NOD2: variants seen among roughly 807,000 people sequenced by gnomAD.
NOD2 encodes nucleotide binding oligomerization domain containing 2, also known as nucleotide-binding oligomerization domain-containing protein 2.
Under a neutral mutation model 90.9 loss-of-function variants are expected in NOD2, and 86 were observed. That is an observed-to-expected ratio of 0.95 (90% CI 0.79 to 1.13). The LOEUF (loss-of-function observed/expected upper bound fraction) is 1.13. Among genes scored for constraint, NOD2 ranks in the 50% most tolerant of loss-of-function variants. The pLI, the probability that NOD2 is intolerant of heterozygous loss-of-function variation, is 0.00. For missense variants in NOD2, 1,238 were observed against 1,283.8 expected, an observed-to-expected ratio of 0.96 and a Z score of 0.55; for synonymous variants, 581 against 554.6, an observed-to-expected ratio of 1.05 and a Z score of -0.67.
chr16:50,707,938 C>T lies in NOD2; in HGVS notation c.543C>T (p.Val181=), dbSNP rs768259661. ...FLLQHVQELP[V]PLALPLEAAT... is the part of the protein sequence containing the mutation. ...TACAACATGTTCAGGAATTACCAGTCCCATTGGCCCTGCCTTTGGAAGGTA... is the reference window on the plus strand; with the variant it reads ...TACAACATGTTCAGGAATTACCAGTTCCATTGGCCCTGCCTTTGGAAGGTA... Residue 181 remains valine, a synonymous_variant, in exon 3 of 12, where the codon GTC becomes GTT. Coordinates refer to ENST00000647318, the MANE Select transcript of NOD2 (RefSeq NM_001370466.1). 8 of 1,612,970 alleles carry T rather than the reference C, an allele frequency of 5.0e-6. No homozygotes were observed. In the Admixed American group the frequency reaches 1.2e-4, roughly 24 times the overall value.
chr16:50,727,733 A>G (rs1304073317), intron 10 of NOD2: 6 of 351,826 alleles, frequency 1.7e-5, no homozygotes, highest in Non-Finnish European at 3.4e-5. Context: ...GTTGTCGTGG[A>G]GAATTGGACC....
In NOD2 at chr16:50,710,860, G is replaced by A. The variant is rs1320374265; in HGVS notation, c.868G>A (p.Ala290Thr). Residue 290 changes from alanine to threonine, a missense_variant, in exon 4 of 12, where the codon GCT becomes ACT. Physicochemically the swap from Ala to Thr is moderately conservative, Grantham distance 58. This residue lies in a region of NOD2 where 567 missense variants were observed against 577.3 expected (regional missense o/e 0.98). Transcript: ENST00000647318. ...CCTGCAGCGGCTGCACTTGCTGTGG[G>A]CTGCAGGGCAAGACTTCCAGGAATT... ...TLLQRLHLLW[A>T]AGQDFQEFLF... The A allele has an allele frequency of 1.9e-6, 3 of 1,613,938 alleles. No homozygotes were observed. The highest frequency in any genetic ancestry group is 2.2e-5 in the East Asian group (1 of 44,878).
chr16:50,708,445 A>G (rs1286861852), intron 3 of NOD2, among the ~76,000 whole-genome samples: 1 of 152,182 alleles, frequency 6.6e-6, no homozygotes, highest in African/African-American at 2.4e-5. Flanking sequence ...CACCACTTGA[A>G]CATACCAGGC....
intron 4 of NOD2, chr16:50,715,889 C>T (rs1450634614): frequency 6.5e-6 from 1 of 153,538 alleles, no homozygotes; most frequent in African/African-American, 2.4e-5. Context: ...TATACAGATT[C>T]CTGGGCCCCA....
chr16:50,704,298 T>A (rs1964080664), intron 2 of NOD2, among the ~76,000 whole-genome samples: 1 of 152,178 alleles, frequency 6.6e-6, no homozygotes, highest in Non-Finnish European at 1.5e-5. Flanking sequence ...TCCTATGGCC[T>A]CTTCTTCCCT....
At position 50,711,137 on chromosome 16, in the gene NOD2, A is replaced by G. The variant is rs1215923082; in HGVS notation, c.1145A>G (p.Asn382Ser). 1.2e-6 allele frequency: 2 copies of G among 1,614,054 alleles called. No homozygotes were observed. The highest frequency in any genetic ancestry group is 1.7e-6 in the Non-Finnish European group (2 of 1,179,990). The change falls in exon 4 of 12, where the codon AAC (asparagine) becomes AGC (serine). Residue 382 changes from asparagine to serine, a missense_variant. Coordinates refer to ENST00000647318, the MANE Select transcript of NOD2 (RefSeq NM_001370466.1). Reference sequence around the variant, plus strand: ...ACCTCTGTCCAGACCCTGCTCTTCAACCTTCTGCAGGGCAACCTGCTGAAG... The same window carrying G: ...ACCTCTGTCCAGACCCTGCTCTTCAGCCTTCTGCAGGGCAACCTGCTGAAG... The part of the protein sequence containing the change: ...DPTSVQTLLF[N>S]LLQGNLLKNA...
intron 2 of NOD2, among the ~76,000 whole-genome samples, chr16:50,704,744 C>A (rs960414301): frequency 6.6e-6 from 1 of 152,150 alleles, no homozygotes; most frequent in African/African-American, 2.4e-5. Flanking sequence ...TCTTGAACTT[C>A]TGACTTTAGG....
chr16:50,705,906 A>G (rs921225161), intron 2 of NOD2, among the ~76,000 whole-genome samples: 4 of 152,218 alleles, frequency 2.6e-5, no homozygotes, highest in African/African-American at 9.7e-5. Context: ...CACACACTCC[A>G]GTCAGGGGAG....
In NOD2 at chr16:50,702,190, TC is replaced by T. The variant is rs377173377; in HGVS notation, c.459+2239del. On this transcript the variant is annotated intron_variant, in intron 2 of 11. Coordinates refer to ENST00000647318, the MANE Select transcript of NOD2 (RefSeq NM_001370466.1). ...CTCAAGTAATCCTCCTCCCTCGGCTTCCCAAAGTGCTGGGATTACAGGCATG... is the reference window on the plus strand; with the variant it reads ...CTCAAGTAATCCTCCTCCCTCGGCTTCCAAAGTGCTGGGATTACAGGCATG... Among the ~76,000 whole-genome samples the T allele has an allele frequency of 2.0e-3, 304 of 152,302 alleles. 2 individuals are homozygous for T. The highest frequency in any genetic ancestry group is 7.0e-3 in the African/African-American group (290 of 41,572).
chr16:50,705,207 TG>T (rs1567385282), intron 2 of NOD2, among the ~76,000 whole-genome samples: 1 of 152,236 alleles, frequency 6.6e-6, no homozygotes, highest in Non-Finnish European at 1.5e-5. Context: ...TAGGTTTGAC[TG>T]ATTCTTTTTT....
At position 50,725,543 on chromosome 16, in the gene NOD2, G is replaced by A. The variant is rs1965235201; in HGVS notation, c.2856G>A (p.Leu952=). Residue 952 remains leucine (L), a synonymous_variant, in exon 10 of 12, where the codon CTG becomes CTA. Coordinates refer to ENST00000647318, the MANE Select transcript of NOD2 (RefSeq NM_001370466.1). ...GTGTATGTTCTCTCGCAGAAGGACT[G>A]AAGAAAAATTCAAGTTTGAAAATCC... ...DEGVCSLAEG[L]KKNSSLKILK... is the part of the protein sequence containing the mutation. The A allele has an allele frequency of 3.1e-6, 5 of 1,614,074 alleles. No homozygotes were observed. Among genetic ancestry groups the A allele is most frequent in the Non-Finnish European group, 4.2e-6 (5 of 1,179,930 alleles).
At chr16:50,702,527 A>C (rs1390448896) in intron 2 of NOD2, among the ~76,000 whole-genome samples, 4 of 152,184 alleles carry the variant, frequency 2.6e-5, no homozygotes, top group Non-Finnish European at 5.9e-5. Context: ...TCCAACCAAC[A>C]TGTCTTCCCA....
chr16:50,717,669 G>T (rs553574962), intron 6 of NOD2, among the ~76,000 whole-genome samples: 1 of 152,320 alleles, frequency 6.6e-6, no homozygotes, highest in African/African-American at 2.4e-5. Context: ...AAAATGGCGG[G>T]CCACATAGCT....
rs750873269 is a variant in NOD2, at chr16:50,725,480, T to A, written c.2802-9T>A. On this transcript the variant is annotated splice_polypyrimidine_tract_variant and intron_variant, in intron 9 of 11. Coordinates refer to ENST00000647318, the MANE Select transcript of NOD2 (RefSeq NM_001370466.1). ...GTATCAACTGGATTTTCTCTCTTCT[T>A]CTCACCAGCCTGGAGGAGAACCATC... is the stretch of plus-strand genomic sequence containing the variant. The A allele has an allele frequency of 1.2e-5, 19 of 1,610,298 alleles. No homozygotes were observed. Among genetic ancestry groups the A allele is most frequent in the Non-Finnish European group, 1.6e-5 (19 of 1,176,704 alleles).
chr16:50,710,323 C>G (rs1964401900), intron 3 of NOD2, among the ~76,000 whole-genome samples: 1 of 152,228 alleles, frequency 6.6e-6, no homozygotes, highest in Admixed American at 6.5e-5. Flanking sequence ...GTGTAAAACT[C>G]TGTGAGGTAG....
At chr16:50,722,507 G>T in intron 7 of NOD2, 115 bp from the exon 8 acceptor site, 1 of 1,007,818 alleles carries the variant, frequency 9.9e-7, no homozygotes. Context: ...CTCTGGGATT[G>T]AGTGGTCCTG....
chr16:50,716,640 C>G lies in NOD2; in HGVS notation c.2435C>G (p.Ala812Gly). The change falls in exon 5 of 12, where the codon GCT becomes GGT. Residue 812 changes from alanine (A) to glycine (G), a missense_variant. Ala to Gly is a moderately conservative substitution (Grantham distance 60, BLOSUM62 0). This residue lies in a region of NOD2 where 667 missense variants were observed against 688.7 expected (regional missense o/e 0.97). Coordinates refer to ENST00000647318, the MANE Select transcript of NOD2 (RefSeq NM_001370466.1). The part of the protein sequence containing the change: ...DRGICKLIEC[A>G]LHCEQLQKLA... Reference sequence around the variant, plus strand: ...GGCATCTGCAAGCTCATTGAATGTGCTCTTCACTGCGAGCAATTGCAGAAG... The same window carrying G: ...GGCATCTGCAAGCTCATTGAATGTGGTCTTCACTGCGAGCAATTGCAGAAG... 1.2e-6 allele frequency: 2 copies of G among 1,614,206 alleles called. No individual in the cohort carries two copies. The highest frequency in any genetic ancestry group is 1.7e-6 in the Non-Finnish European group (2 of 1,180,024).
rs78200189 is a variant in NOD2, at chr16:50,705,662, C to T, written c.460-2193C>T. 2.7e-3 allele frequency among the ~76,000 whole-genome samples: 410 copies of T among 152,268 alleles called. 4 individuals carry two copies. The highest frequency in any genetic ancestry group is 9.1e-3 in the African/African-American group (378 of 41,532). ...TTGTTTTAGTCATTTCCTTCAGTTC[C>T]GGAGGTCCCTCATGCTGATCATTCC... On this transcript the variant is annotated intron_variant, in intron 2 of 11. Coordinates refer to ENST00000647318, the MANE Select transcript of NOD2 (RefSeq NM_001370466.1).
chr16:50,718,172 G>A (rs538802841), intron 6 of NOD2, among the ~76,000 whole-genome samples: 92 of 152,358 alleles, frequency 6.0e-4, no homozygotes, highest in Non-Finnish European at 1.1e-3. Flanking sequence ...AAATGCCTGT[G>A]TGATGGGAGG....
Sources: gnomAD v4.1 joint callset for allele counts (sites outside exome capture counted in the v4.1 genomes callset) on GRCh38, gnomAD v4.1.1 for gene constraint, gnomAD v4.1.1 regional missense constraint, MANE v1.5 for transcripts, NCBI Gene and HGNC (gene_info 2026-07-23, HGNC 2026-07-21) for gene names.